The following PTPRG variants were observed in gnomAD, a reference collection of about 807,000 sequenced individuals.
PTPRG encodes protein tyrosine phosphatase receptor type G, also known as receptor-type tyrosine-protein phosphatase gamma.
Under a neutral mutation model 165.3 loss-of-function variants are expected in PTPRG, and 102 were observed. That is an observed-to-expected ratio of 0.62 (90% CI 0.53 to 0.73). The LOEUF is 0.73. Ranked by LOEUF, PTPRG falls within the 30% of genes least tolerant of loss-of-function variation. The probability of loss-of-function intolerance (pLI) is 0.00; values close to 1 mark genes in which losing one functional copy is unlikely to be tolerated. For synonymous variants in PTPRG, 675 were observed against 669.5 expected (o/e 1.01, Z -0.13); for missense variants, 1,866 against 1,861.4 (o/e 1.00, Z -0.05).
intron 1 of PTPRG, among the ~76,000 whole-genome samples, chr3:61,672,840 C>T (rs1194808703): frequency 6.8e-6 from 1 of 146,330 alleles, no homozygotes; most frequent in East Asian, 2.0e-4. Context: ...GGAGAGGGCT[C>T]TTAAGGGTCC....
chr3:61,585,189 G>A (rs1700403825), intron 1 of PTPRG, among the ~76,000 whole-genome samples: 1 of 151,108 alleles, frequency 6.6e-6, no homozygotes, highest in Non-Finnish European at 1.5e-5. Context: ...GCTGAGGCAG[G>A]AGGATCACTT....
At chr3:61,652,373 C>T (rs992880504) in intron 1 of PTPRG, among the ~76,000 whole-genome samples, 8 of 152,110 alleles carry the variant, frequency 5.3e-5, no homozygotes, top group Admixed American at 3.9e-4. Context: ...TCTGCAGATG[C>T]GGAGTGTGTT....
Position 61,873,151 on chromosome 3 carries a change from T to A in PTPRG, c.191-116474T>A, listed in dbSNP as rs373117783. ...AGGATCAGGTAATTTCATTTGTAAT[T>A]TAGAGAAATTTTGATACATGTAACC... On this transcript the variant is annotated intron_variant, in intron 2 of 29. Coordinates refer to ENST00000474889, the MANE Select transcript of PTPRG (RefSeq NM_002841.4). 1.7e-3 allele frequency among the ~76,000 whole-genome samples: 254 copies of A among 152,286 alleles called. 1 individual carries two copies. Among genetic ancestry groups the A allele is most frequent in the African/African-American group, 5.4e-3 (226 of 41,562 alleles).
chr3:61,903,543 T>G (rs1348395196), intron 2 of PTPRG, among the ~76,000 whole-genome samples: 1 of 152,042 alleles, frequency 6.6e-6, no homozygotes, highest in Non-Finnish European at 1.5e-5. Context: ...CTGGCTAATT[T>G]TTGTATGTTT....
At chr3:62,119,579 G>A (rs925984820) in intron 5 of PTPRG, among the ~76,000 whole-genome samples, 1 of 151,934 alleles carries the variant, frequency 6.6e-6, no homozygotes, top group African/African-American at 2.4e-5. Context: ...GAGCTTTTAC[G>A]CTGGCATGGG....
chr3:61,793,361 T>G (rs1246291106), intron 2 of PTPRG, among the ~76,000 whole-genome samples: 1 of 152,160 alleles, frequency 6.6e-6, no homozygotes. Context: ...TTTCTGAGTT[T>G]GCTAGTCCCC....
At chr3:61,994,764 G>T (rs2040979804) in intron 3 of PTPRG, among the ~76,000 whole-genome samples, 1 of 152,198 alleles carries the variant, frequency 6.6e-6, no homozygotes, top group South Asian at 2.1e-4. Flanking sequence ...AACAACCTTG[G>T]TCACTTCCAC....
intron 2 of PTPRG, among the ~76,000 whole-genome samples, chr3:61,908,618 C>A (rs1178238344): frequency 1.3e-5 from 2 of 152,038 alleles, no homozygotes; most frequent in Non-Finnish European, 2.9e-5. Context: ...GAACCTTCTG[C>A]TTCTGTGTTT....
chr3:62,130,911 T>A (rs1703490054), intron 5 of PTPRG, among the ~76,000 whole-genome samples: 1 of 151,726 alleles, frequency 6.6e-6, no homozygotes, highest in Non-Finnish European at 1.5e-5. Flanking sequence ...ACCTTTATGG[T>A]CTGATACACT....
At chr3:61,917,907 G>T (rs1480948192) in intron 2 of PTPRG, among the ~76,000 whole-genome samples, 1 of 152,090 alleles carries the variant, frequency 6.6e-6, no homozygotes, top group African/African-American at 2.4e-5. Context: ...GATCTAGCCT[G>T]GGCAACAAGA....
chr3:62,260,129 G>T (rs1279302545), intron 16 of PTPRG, among the ~76,000 whole-genome samples: 1 of 152,080 alleles, frequency 6.6e-6, no homozygotes, highest in Non-Finnish European at 1.5e-5. Flanking sequence ...ACATGCACTG[G>T]GTCACTACCA....
At position 62,237,867 on chromosome 3, in the gene PTPRG, C is replaced by A. The variant is rs928230253; in HGVS notation, c.2376-5940C>A. Among the ~76,000 whole-genome samples the A allele has an allele frequency of 6.6e-6, 1 of 152,160 alleles. No individual in the cohort carries two copies. Among genetic ancestry groups the A allele is most frequent in the Non-Finnish European group, 1.5e-5 (1 of 68,036 alleles). On this transcript the variant is annotated intron_variant, in intron 14 of 29. Coordinates refer to ENST00000474889, the MANE Select transcript of PTPRG (RefSeq NM_002841.4). This position sits in a 1 kb window ranked among gnomAD's most constrained non-coding sequence, Gnocchi z 4.5. ...TTGATCAGCTACTATCACACATTAC[C>A]CTCTGGACTTCCAATCAAACCTTTC...
chr3:61,682,114 A>G (rs749051165), intron 1 of PTPRG, among the ~76,000 whole-genome samples: 1 of 127,094 alleles, frequency 7.9e-6, no homozygotes, highest in Admixed American at 1.0e-4. Context: ...GTGTGACTGC[A>G]CTTGGGCCTG....
intron 2 of PTPRG, among the ~76,000 whole-genome samples, chr3:61,926,609 C>CTCCCTCCTTCCTTCCT (rs1335655029): frequency 1.1e-5 from 1 of 94,788 alleles, no homozygotes; most frequent in Non-Finnish European, 2.0e-5. Flanking sequence ...CCCTCCCTCC[C>CTCCCTCCTTCCTTCCT]TCCTTCCTTC....
rs373719298 is a variant in PTPRG at position 62,203,322 on chromosome 3, G to A, written c.1527G>A (p.Ser509=). 2.7e-5 allele frequency: 43 copies of A among 1,613,946 alleles called. No homozygotes were observed. In the African/African-American group the frequency reaches 2.9e-4, roughly 11 times the overall value. The change falls in exon 12 of 30, where the codon TCG becomes TCA. Residue 509 remains serine, a synonymous_variant. Coordinates refer to ENST00000474889, the MANE Select transcript of PTPRG (RefSeq NM_002841.4). This position sits in a 1 kb window ranked among gnomAD's most constrained non-coding sequence, Gnocchi z 6.4. ...GTGGCAGCCAGGCCACAGTGGCCTC[G>A]GTGGTCACCAGCACGCTGCTCGCCG... ...SSSGSQATVA[S]VVTSTLLAGL...
intron 28 of PTPRG, among the ~76,000 whole-genome samples, chr3:62,286,564 A>AG: frequency 6.6e-6 from 1 of 151,854 alleles, no homozygotes; most frequent in Non-Finnish European, 1.5e-5. Flanking sequence ...AGAGCACTTA[A>AG]AAAAAAACAT....
At chr3:61,665,469 T>TACACACACACACAC (rs10662394) in intron 1 of PTPRG, among the ~76,000 whole-genome samples, 230 of 144,024 alleles carry the variant, frequency 1.6e-3, no homozygotes, top group Middle Eastern at 7.1e-3. Context: ...TGTAAATAAA[T>TACACACACACACAC]ACACACACAC....
rs371309617 is a variant in PTPRG at position 61,820,195 on chromosome 3, C to T, written c.190+71213C>T. 6.4e-4 allele frequency among the ~76,000 whole-genome samples: 97 copies of T among 152,200 alleles called. No homozygotes were observed. The Middle Eastern group carries it at 0.041, about 64-fold the overall frequency. Reference sequence around the variant, plus strand: ...GGTGTGACTGTGGAGGCTGAGAAGTCCCACAGTCTGCTGTCTGTAAGCTAG... The same window carrying T: ...GGTGTGACTGTGGAGGCTGAGAAGTTCCACAGTCTGCTGTCTGTAAGCTAG... On this transcript the variant is annotated intron_variant, in intron 2 of 29. Transcript: ENST00000474889.
At chr3:61,647,731 G>A (rs553678388) in intron 1 of PTPRG, among the ~76,000 whole-genome samples, 9 of 146,396 alleles carry the variant, frequency 6.1e-5, no homozygotes, top group African/African-American at 1.0e-4. Context: ...GGCGGAGCTT[G>A]CAGTGAGCTG....
Sources: allele counts gnomAD v4.1 joint callset (sites outside exome capture counted in the v4.1 genomes callset), GRCh38; gene constraint gnomAD v4.1.1; non-coding constraint Gnocchi (gnomAD v3.1); transcripts MANE v1.5; gene names NCBI Gene and HGNC (gene_info 2026-07-23, HGNC 2026-07-21).